GOLGA5: variants seen among roughly 807,000 people sequenced by gnomAD.
The protein encoded by GOLGA5 is golgin subfamily A member 5.
A neutral mutation model predicts 93.5 loss-of-function variants in GOLGA5; 50 were observed. The ratio of observed to expected loss-of-function variants is 0.53; its 90% CI spans 0.43 to 0.68. The LOEUF (loss-of-function observed/expected upper bound fraction) is 0.68, where lower values mean the gene tolerates loss of function less well. GOLGA5 is among the 30% of genes least tolerant of loss of function. GOLGA5 has a pLI of 0.00. For missense variants in GOLGA5, 760 were observed against 856.4 expected (o/e 0.89, Z 1.40); for synonymous variants, 312 against 304.5 (o/e 1.02, Z -0.26).
At chr14:92,807,020 C>A in intron 3 of GOLGA5, 57 bp downstream of exon 3, 1 of 1,236,640 alleles carries the variant, frequency 8.1e-7, no homozygotes, top group Non-Finnish European at 1.2e-6. Flanking sequence ...AAACTTAAGG[C>A]TGGACGCAGT....
chr14:92,802,202 A>C (rs1297905255), intron 2 of GOLGA5, among the ~76,000 whole-genome samples: 1 of 152,198 alleles, frequency 6.6e-6, no homozygotes, highest in African/African-American at 2.4e-5. Flanking sequence ...TTTCATTAAA[A>C]TTTTATTGTT....
At chr14:92,798,865 G>A (rs182805065) in intron 2 of GOLGA5, among the ~76,000 whole-genome samples, 43 of 152,278 alleles carry the variant, frequency 2.8e-4, no homozygotes, top group Admixed American at 2.0e-4. Flanking sequence ...GCAGTGAGCC[G>A]AGATTGTACC....
chr14:92,833,408 GA>G (rs1885572680), intron 10 of GOLGA5, 61 bp downstream of exon 10: 1 of 1,196,212 alleles, frequency 8.4e-7, no homozygotes, highest in African/African-American at 1.5e-5. Flanking sequence ...AAAAGTTATA[GA>G]AGGACTATTT....
chr14:92,824,449 C>A (rs926921669), intron 8 of GOLGA5, 97 bp from the exon 9 acceptor site: 3 of 662,316 alleles, frequency 4.5e-6, no homozygotes, highest in Non-Finnish European at 8.2e-6. Flanking sequence ...TCAGCACATA[C>A]TGATTGTCTA....
intron 2 of GOLGA5, among the ~76,000 whole-genome samples, chr14:92,803,714 A>G (rs902008805): frequency 6.6e-5 from 10 of 152,238 alleles, no homozygotes; most frequent in African/African-American, 2.4e-4. Context: ...CAACGCAACC[A>G]AACATTAGTT....
At chr14:92,824,459 A>G (rs769072249) in intron 8 of GOLGA5, 87 bp from the exon 9 acceptor site, 29 of 686,028 alleles carry the variant, frequency 4.2e-5, no homozygotes, top group Admixed American at 7.3e-5. Context: ...CTGATTGTCT[A>G]CCATGTGCCA....
chr14:92,812,081 C>T (rs1204479057), intron 6 of GOLGA5, among the ~76,000 whole-genome samples: 1 of 152,184 alleles, frequency 6.6e-6, no homozygotes, highest in African/African-American at 2.4e-5. Flanking sequence ...GCAGCAACTG[C>T]TTTAGGACTC....
At chr14:92,813,000 C>T (rs1467522368) in intron 6 of GOLGA5, among the ~76,000 whole-genome samples, 1 of 152,240 alleles carries the variant, frequency 6.6e-6, no homozygotes, top group Non-Finnish European at 1.5e-5. Flanking sequence ...AGCTCCCAGA[C>T]CAACTTCTCC....
rs528362275 is a variant in GOLGA5 at position 92,824,202 on chromosome 14, C to A, written c.1621-344C>A. On this transcript the variant is annotated intron_variant, in intron 8 of 12. Transcript: ENST00000163416. Reference sequence around the variant, plus strand: ...TTTTATGAATATTTTTTCCAGTTGTCATATTAATGCTATATAACTGAGATT... The same window carrying A: ...TTTTATGAATATTTTTTCCAGTTGTAATATTAATGCTATATAACTGAGATT... Among the ~76,000 whole-genome samples, 6 of 151,970 alleles carry A rather than the reference C, an allele frequency of 3.9e-5. No homozygotes were observed. The South Asian group carries it at 1.2e-3, about 32-fold the overall frequency.
chr14:92,809,540 T>A lies in GOLGA5; in HGVS notation c.992+21T>A, dbSNP rs1262952159. The A allele has an allele frequency of 5.6e-6, 8 of 1,436,178 alleles. No individual in the cohort carries two copies. In the African/African-American group the frequency reaches 5.6e-5, roughly 10 times the overall value. The allele number at this position is 1,436,178 out of a possible 1,614,324, so 89.0% of individuals were successfully genotyped here. A position where few individuals can be genotyped will look rare whatever the true frequency, so the allele number is the denominator to read the frequency against. ...TCACGGTAGGTGATTCTATGAATAATGAAAAAAATGAGCAAGTAATGGTAA... is the reference window on the plus strand; with the variant it reads ...TCACGGTAGGTGATTCTATGAATAAAGAAAAAAATGAGCAAGTAATGGTAA... On this transcript the variant is annotated intron_variant, in intron 4 of 12. Transcript: ENST00000163416.
rs757865891 is a variant in GOLGA5 at position 92,797,477 on chromosome 14, C to T, written c.40C>T (p.Leu14Phe). 6.2e-7 allele frequency: 1 copy of T among 1,611,696 alleles called. No individual in the cohort carries two copies. Among genetic ancestry groups the T allele is most frequent in the South Asian group, 1.1e-5 (1 of 90,490 alleles). ...FVDLAGKAED[L>F]LNRVDQGAAT... ...TGATCTTGCTGGAAAGGCAGAAGAT[C>T]TTTTAAACCGAGTTGATCAAGGGGC... Residue 14 changes from leucine to phenylalanine, a missense_variant, in exon 2 of 13, where the codon CTT (leucine) becomes TTT (phenylalanine). Physicochemically the swap from Leu to Phe is conservative, Grantham distance 22. Coordinates refer to ENST00000163416, the MANE Select transcript of GOLGA5 (RefSeq NM_005113.4).
rs559673619 is a variant in GOLGA5 at position 92,824,629 on chromosome 14, A to G, written c.1704A>G (p.Gln568=). The part of the protein sequence containing the change: ...SRIKDRDEEI[Q]KLRNQLTNKT... ...TTAAAGATCGAGACGAAGAAATTCA[A>G]AAACTCAGGAATCAGGTATGAATCA... The change falls in exon 9 of 13, where the codon CAA becomes CAG. Residue 568 remains glutamine (Q), a synonymous_variant. Transcript: ENST00000163416. 4.0e-5 allele frequency: 63 copies of G among 1,572,484 alleles called. 1 individual carries two copies. In the South Asian group the frequency reaches 6.5e-4, roughly 16 times the overall value.
At chr14:92,831,678 G>A (rs534896479) in intron 9 of GOLGA5, among the ~76,000 whole-genome samples, 8 of 152,058 alleles carry the variant, frequency 5.3e-5, no homozygotes, top group Non-Finnish European at 1.0e-4. Flanking sequence ...GTTGATTAGG[G>A]GATCATAGTA....
chr14:92,831,738 C>T (rs4904992), intron 9 of GOLGA5, among the ~76,000 whole-genome samples: 84,633 of 151,870 alleles, frequency 0.56, 24,087 homozygotes, highest in East Asian at 0.65. Context: ...TTAGTTTATA[C>T]TCAATAAAAT....
intron 7 of GOLGA5, 135 bp downstream of exon 7, chr14:92,816,556 C>CG: frequency 1.5e-6 from 1 of 667,054 alleles, no homozygotes. Flanking sequence ...CTCTTCTCTT[C>CG]CTCCTCCTCT....
At position 92,814,345 on chromosome 14, in the gene GOLGA5, G is replaced by A. The variant is rs184994097; in HGVS notation, c.1321-1906G>A. 2.6e-5 allele frequency among the ~76,000 whole-genome samples: 4 copies of A among 152,266 alleles called. No individual in the cohort carries two copies. The East Asian group carries it at 7.7e-4, about 29-fold the overall frequency. ...CATCCAATGAAGCCAAGCAGAGGGAGAGTTTCAAGTGGTGCATGATCACCA... is the reference window on the plus strand; with the variant it reads ...CATCCAATGAAGCCAAGCAGAGGGAAAGTTTCAAGTGGTGCATGATCACCA... On this transcript the variant is annotated intron_variant, in intron 6 of 12. Transcript: ENST00000163416.
Position 92,816,438 on chromosome 14 carries a change from T to C in GOLGA5, c.1491+17T>C. 1 of 1,608,144 alleles carries C rather than the reference T, an allele frequency of 6.2e-7. No individual in the cohort carries two copies. The highest frequency in any genetic ancestry group is 8.5e-7 in the Non-Finnish European group (1 of 1,174,874). ...GAATTACAGGTAAGATTCATGGTGG[T>C]TCAGCTTAGTAGACACCATTTACCC... On this transcript the variant is annotated intron_variant, in intron 7 of 12. Coordinates refer to ENST00000163416, the MANE Select transcript of GOLGA5 (RefSeq NM_005113.4).
chr14:92,809,637 G>A lies in GOLGA5; in HGVS notation c.992+118G>A, dbSNP rs910712017. ...ACAAGAGGGAATATTTCTTTTGGTA[G>A]TGTTAGAAATGTGTATGATTAAAAT... is the stretch of plus-strand genomic sequence containing the variant. On this transcript the variant is annotated intron_variant, in intron 4 of 12. Transcript: ENST00000163416. The A allele has an allele frequency of 2.0e-4, 137 of 692,462 alleles. No individual in the cohort carries two copies. The African/African-American group carries it at 2.4e-3, about 12-fold the overall frequency. The allele number at this position is 692,462 out of a possible 1,614,324, so 42.9% of individuals were successfully genotyped here.
intron 1 of GOLGA5, among the ~76,000 whole-genome samples, chr14:92,795,146 C>T (rs2140308089): frequency 6.6e-6 from 1 of 152,170 alleles, no homozygotes; most frequent in Non-Finnish European, 1.5e-5. Flanking sequence ...GCCATGTTGC[C>T]CAGGCTGGTC....
Sources: gnomAD v4.1 joint callset for allele counts (sites outside exome capture counted in the v4.1 genomes callset) on GRCh38, gnomAD v4.1.1 for gene constraint, MANE v1.5 for transcripts, NCBI Gene and HGNC (gene_info 2026-07-23, HGNC 2026-07-21) for gene names.